Variants in ERO1A observed in about 807,000 individuals in gnomAD.
ERO1A encodes the protein endoplasmic reticulum oxidoreductase 1 alpha.
Under a neutral mutation model 76.9 loss-of-function variants are expected in ERO1A, and 49 were observed. That is an observed-to-expected ratio of 0.64 (90% CI 0.51 to 0.81). The LOEUF is 0.81. Among genes scored for constraint, ERO1A ranks in the 30% least tolerant of loss-of-function variants. ERO1A has a pLI of 0.00. For synonymous variants in ERO1A, 174 were observed against 181.2 expected, an observed-to-expected ratio of 0.96 and a Z score of 0.32; for missense variants, 448 against 542.1, an observed-to-expected ratio of 0.83 and a Z score of 1.72.
Position 52,658,024 on chromosome 14 carries a change from T to A in ERO1A, c.716-15A>T. 6.3e-7 allele frequency: 1 copy of A among 1,576,718 alleles called. No homozygotes were observed. Among genetic ancestry groups the A allele is most frequent in the Non-Finnish European group, 8.7e-7 (1 of 1,151,792 alleles). ...TACACAGAGACCTAAGAAAAAGCAG[T>A]GACTTAGAAATAAAATTTCATATGT... On this transcript the variant is annotated splice_polypyrimidine_tract_variant and intron_variant, in intron 10 of 15. Coordinates refer to ENST00000395686, the MANE Select transcript of ERO1A (RefSeq NM_014584.3).
In ERO1A at chr14:52,666,467, T is replaced by C. The variant is rs2040414386; in HGVS notation, c.537A>G (p.Val179=). The C allele has an allele frequency of 6.2e-7, 1 of 1,609,594 alleles. No homozygotes were observed. The highest frequency in any genetic ancestry group is 1.3e-5 in the African/African-American group (1 of 74,846). ...AGCGCTCAGGATTAAGAAGCAAATC[T>C]ACATATTCAGCTTCAGGGGACTGAA... ...DDIQSPEAEY[V]DLLLNPERYT... Residue 179 remains valine (V), a synonymous_variant, in exon 7 of 16, where the codon GTA becomes GTG. Transcript: ENST00000395686.
At chr14:52,652,769 G>A (rs1049015959) in intron 12 of ERO1A, among the ~76,000 whole-genome samples, 1 of 152,144 alleles carries the variant, frequency 6.6e-6, no homozygotes, top group African/African-American at 2.4e-5. Flanking sequence ...CAAGGTGGGT[G>A]GATCAATCAC....
rs2145953 is a variant in ERO1A at position 52,649,364 on chromosome 14, T to C, written c.1125+2875A>G. 7.8e-3 allele frequency among the ~76,000 whole-genome samples: 1,185 copies of C among 152,320 alleles called. 9 individuals are homozygous for C. Among genetic ancestry groups the C allele is most frequent in the Middle Eastern group, 0.02 (6 of 294 alleles). On this transcript the variant is annotated intron_variant, in intron 13 of 15. Transcript: ENST00000395686. ...GTACTAAGGAAACAAGATGAGATTT[T>C]TAAAATTAATTTGTAAATATGACTG...
chr14:52,687,385 G>A (rs1477581480), intron 1 of ERO1A, among the ~76,000 whole-genome samples: 1 of 151,730 alleles, frequency 6.6e-6, no homozygotes, highest in Admixed American at 6.6e-5. Flanking sequence ...AGCTGAGATT[G>A]CACCACTGCA....
intron 3 of ERO1A, among the ~76,000 whole-genome samples, 156 bp from the exon 4 acceptor site, chr14:52,678,628 T>C (rs953767309): frequency 2.6e-5 from 4 of 152,230 alleles, no homozygotes; most frequent in African/African-American, 9.6e-5. Context: ...TGCTTAAAAG[T>C]AAATAAAAAT....
At chr14:52,646,116 C>A in intron 15 of ERO1A, 38 bp downstream of exon 15, 1 of 1,580,548 alleles carries the variant, frequency 6.3e-7, no homozygotes, top group Non-Finnish European at 8.6e-7. Flanking sequence ...ATTAGACTTA[C>A]TTGGCTACCA....
At chr14:52,674,098 T>C (rs1017424343) in intron 4 of ERO1A, among the ~76,000 whole-genome samples, 4 of 152,234 alleles carry the variant, frequency 2.6e-5, no homozygotes, top group African/African-American at 9.6e-5. Flanking sequence ...TTATCTTCAA[T>C]TTTGAGCTTT....
At chr14:52,671,294 C>T (rs1367180609) in intron 6 of ERO1A, among the ~76,000 whole-genome samples, 1 of 152,176 alleles carries the variant, frequency 6.6e-6, no homozygotes, top group Non-Finnish European at 1.5e-5. Context: ...ATGAACATTG[C>T]TTTGCCATCT....
chr14:52,675,993 C>T (rs1228494755), intron 4 of ERO1A, among the ~76,000 whole-genome samples: 1 of 152,128 alleles, frequency 6.6e-6, no homozygotes, highest in Non-Finnish European at 1.5e-5. Flanking sequence ...CCTTGCTAAA[C>T]CTTTAAAAGC....
At position 52,657,931 on chromosome 14, in the gene ERO1A, C is replaced by G. The variant is rs1042277948; in HGVS notation, c.794G>C (p.Arg265Thr). ...ATGTCACATACCTTGTAAAAGATATCTTGCACTCAAATGCACATTAATGCT... is the reference window on the plus strand; with the variant it reads ...ATGTCACATACCTTGTAAAAGATATGTTGCACTCAAATGCACATTAATGCT... ...HASINVHLSA[R>T]YLLQETWLEK... Residue 265 changes from arginine to threonine, a missense_variant, in exon 11 of 16, where the codon AGA (arginine) becomes ACA (threonine). Arg to Thr is a moderately conservative substitution (Grantham distance 71). Around this residue, in one of 2 missense-constraint regions of ERO1A, gnomAD observed 302 missense variants for 411.9 expected, o/e 0.73. Transcript: ENST00000395686. 3.1e-6 allele frequency: 5 copies of G among 1,606,196 alleles called. No individual in the cohort carries two copies. The highest frequency in any genetic ancestry group is 4.3e-6 in the Non-Finnish European group (5 of 1,175,840).
chr14:52,666,507 A>T lies in ERO1A; in HGVS notation c.509-12T>A, dbSNP rs774540487. The T allele has an allele frequency of 1.3e-6, 2 of 1,599,592 alleles. No homozygotes were observed. Among genetic ancestry groups the T allele is most frequent in the African/African-American group, 1.3e-5 (1 of 74,344 alleles). On this transcript the variant is annotated splice_polypyrimidine_tract_variant and intron_variant, in intron 6 of 15. Coordinates refer to ENST00000395686, the MANE Select transcript of ERO1A (RefSeq NM_014584.3). ...AGGGGACTGAATGTCTGTAAAATAA[A>T]ATGTCTTATTAAACCTTTCTTATCC... is the stretch of plus-strand genomic sequence containing the variant.
chr14:52,690,234 C>G (rs1277156937), intron 1 of ERO1A, among the ~76,000 whole-genome samples: 1 of 151,784 alleles, frequency 6.6e-6, no homozygotes, highest in Non-Finnish European at 1.5e-5. Flanking sequence ...TATGTGACAC[C>G]AAGAAGACCA....
In ERO1A at chr14:52,641,999, A is replaced by G. The variant is rs1370929448; in HGVS notation, c.*1571T>C. ...TGTAAACTGACATTTCTTAACCACT[A>G]TATAAATAAACCCCACTTTACTACT... On this transcript the variant is annotated 3_prime_UTR_variant, in exon 16 of 16. Transcript: ENST00000395686. The G allele has an allele frequency of 1.3e-5, 2 of 152,234 alleles. No homozygotes were observed. The highest frequency in any genetic ancestry group is 2.9e-5 in the Non-Finnish European group (2 of 68,028). 9.4% of individuals were successfully genotyped at this position (152,234 alleles called of 1,614,324 possible).
At chr14:52,687,234 T>C (rs1316367433) in intron 1 of ERO1A, among the ~76,000 whole-genome samples, 3 of 152,082 alleles carry the variant, frequency 2.0e-5, no homozygotes, top group South Asian at 2.1e-4. Context: ...CAGATCAGCC[T>C]GAGCAACATG....
intron 6 of ERO1A, 194 bp downstream of exon 6, chr14:52,671,436 C>T (rs1197156706): frequency 2.4e-6 from 1 of 423,856 alleles, no homozygotes. Context: ...TCTTTAATAA[C>T]TTTTTTCTGA....
At position 52,646,263 on chromosome 14, in the gene ERO1A, T is replaced by C. The variant is rs1321532508; in HGVS notation, c.1237A>G (p.Lys413Glu). The change falls in exon 15 of 16, where the codon AAG becomes GAG. Residue 413 changes from lysine to glutamate, a missense_variant. By Grantham distance (56) the Lys-to-Glu change is moderately conservative. Around this residue, in one of 2 missense-constraint regions of ERO1A, gnomAD observed 302 missense variants for 411.9 expected, o/e 0.73. Transcript: ENST00000395686. Reference sequence around the variant, plus strand: ...ATCAATTTCTCAGAAAATAAGATCTTCAGAGCAGTGCCCAAACCCTGAGTC... The same window carrying C: ...ATCAATTTCTCAGAAAATAAGATCTCCAGAGCAGTGCCCAAACCCTGAGTC... Reference protein sequence around the residue: ...LQTQGLGTALKILFSEKLIAN... With the variant: ...LQTQGLGTALEILFSEKLIAN... 3.1e-6 allele frequency: 5 copies of C among 1,613,052 alleles called. No homozygotes were observed. Among genetic ancestry groups the C allele is most frequent in the Non-Finnish European group, 4.2e-6 (5 of 1,179,768 alleles).
At chr14:52,683,986 A>G (rs1033074783) in intron 1 of ERO1A, 79 bp from the exon 2 acceptor site, 11 of 1,129,622 alleles carry the variant, frequency 9.7e-6, no homozygotes, top group African/African-American at 6.3e-5. Flanking sequence ...GGTTGTTAGG[A>G]AACAGCCCCC....
intron 8 of ERO1A, 67 bp downstream of exon 8, chr14:52,663,734 T>G (rs1299806885): frequency 1.1e-6 from 1 of 936,986 alleles, no homozygotes; most frequent in African/African-American, 1.6e-5. Flanking sequence ...TTATCTTGCC[T>G]TCCCCTTCCT....
chr14:52,654,230 A>AT (rs2039969979), intron 11 of ERO1A, among the ~76,000 whole-genome samples: 1 of 151,806 alleles, frequency 6.6e-6, no homozygotes, highest in South Asian at 2.1e-4. Context: ...GTCTCTTATA[A>AT]TTTTTTTCTT....
Sources: allele counts gnomAD v4.1 joint callset (sites outside exome capture counted in the v4.1 genomes callset), GRCh38; gene constraint gnomAD v4.1.1; regional missense constraint gnomAD v4.1.1; transcripts MANE v1.5; gene names NCBI Gene and HGNC (gene_info 2026-07-23, HGNC 2026-07-21).